Variants in SPOCK3 observed in about 807,000 individuals in gnomAD.
SPOCK3 encodes the protein testican-3.
Under a neutral mutation model 56.6 loss-of-function variants are expected in SPOCK3, and 30 were observed. That is an observed-to-expected ratio of 0.53 (90% CI 0.40 to 0.72). The LOEUF (loss-of-function observed/expected upper bound fraction) is 0.72, where lower values mean the gene tolerates loss of function less well. Among genes scored for constraint, SPOCK3 ranks in the 30% least tolerant of loss-of-function variants. The pLI is 0.00. For synonymous variants in SPOCK3, 196 were observed against 183.3 expected (o/e 1.07, Z -0.56); for missense variants, 527 against 530.0 (o/e 0.99, Z 0.06).
chr4:166,840,185 T>C (rs936259131), intron 6 of SPOCK3, among the ~76,000 whole-genome samples: 1 of 152,198 alleles, frequency 6.6e-6, no homozygotes, highest in African/African-American at 2.4e-5. Context: ...ATGATTTGTA[T>C]TGACACTTGA....
intron 2 of SPOCK3, among the ~76,000 whole-genome samples, chr4:167,122,900 ATAG>A (rs1761979641): frequency 6.6e-6 from 1 of 152,182 alleles, no homozygotes; most frequent in Non-Finnish European, 1.5e-5. Flanking sequence ...ATTCAAAATA[ATAG>A]TAGTACCAGC....
intron 2 of SPOCK3, among the ~76,000 whole-genome samples, chr4:167,120,374 A>G (rs903689936): frequency 6.6e-5 from 10 of 152,072 alleles, no homozygotes; most frequent in African/African-American, 2.4e-4. Flanking sequence ...GTAAGGTTGT[A>G]GAAATTTTAG....
At chr4:166,922,222 G>T (rs972064447) in intron 4 of SPOCK3, among the ~76,000 whole-genome samples, 2 of 152,118 alleles carry the variant, frequency 1.3e-5, no homozygotes, top group African/African-American at 4.8e-5. Context: ...GGGGACCGCT[G>T]CCCTACAAGA....
At chr4:167,139,362 T>A (rs1469084403) in intron 2 of SPOCK3, among the ~76,000 whole-genome samples, 1 of 151,880 alleles carries the variant, frequency 6.6e-6, no homozygotes, top group African/African-American at 2.4e-5. Context: ...ACAAAAAAAA[T>A]GTTAAATGTG....
At chr4:167,029,730 A>G (rs1580056076) in intron 3 of SPOCK3, among the ~76,000 whole-genome samples, 1 of 152,130 alleles carries the variant, frequency 6.6e-6, no homozygotes, top group East Asian at 1.9e-4. Flanking sequence ...CTGTTCTTCA[A>G]TAAGGATGTA....
intron 2 of SPOCK3, among the ~76,000 whole-genome samples, chr4:167,067,774 T>C (rs1478941898): frequency 6.6e-6 from 1 of 151,848 alleles, no homozygotes; most frequent in Non-Finnish European, 1.5e-5. Context: ...CTTAAAGTAA[T>C]AGCATCAATG....
chr4:167,130,026 T>A (rs529851227), intron 2 of SPOCK3, among the ~76,000 whole-genome samples: 51 of 152,118 alleles, frequency 3.4e-4, no homozygotes, highest in South Asian at 6.2e-4. Flanking sequence ...ATTAAAAAAA[T>A]TTTTTTTGAG....
chr4:167,031,247 T>C (rs1752246775), intron 3 of SPOCK3, among the ~76,000 whole-genome samples: 1 of 151,976 alleles, frequency 6.6e-6, no homozygotes. Flanking sequence ...ACAAGGTAAA[T>C]AGAATAACTA....
At chr4:167,230,552 A>G (rs72701431) in intron 2 of SPOCK3, among the ~76,000 whole-genome samples, 4,544 of 150,590 alleles carry the variant, frequency 0.03, 82 homozygotes, top group Admixed American at 0.068. Flanking sequence ...TACTGAATAT[A>G]TACCACTGTT....
intron 9 of SPOCK3, among the ~76,000 whole-genome samples, chr4:166,739,555 A>G (rs111465069): frequency 7.2e-5 from 11 of 152,194 alleles, no homozygotes; most frequent in African/African-American, 2.2e-4. Flanking sequence ...ACTTCTTTTT[A>G]TATCTATAAA....
At chr4:167,091,571 G>A (rs965502189) in intron 2 of SPOCK3, among the ~76,000 whole-genome samples, 2 of 152,084 alleles carry the variant, frequency 1.3e-5, no homozygotes, top group African/African-American at 2.4e-5. Context: ...GAAAATTGCT[G>A]CTCCCTCATT....
At chr4:167,060,648 A>G (rs1229316601) in intron 3 of SPOCK3, among the ~76,000 whole-genome samples, 3 of 152,132 alleles carry the variant, frequency 2.0e-5, no homozygotes, top group Admixed American at 2.0e-4. Flanking sequence ...AACATATAGA[A>G]ATAAAGCTTT....
chr4:167,151,447 T>C (rs1052869752), intron 2 of SPOCK3, among the ~76,000 whole-genome samples: 2 of 149,830 alleles, frequency 1.3e-5, no homozygotes, highest in African/African-American at 4.9e-5. Flanking sequence ...TTTTTTTTTT[T>C]TTTTTGAGAC....
intron 6 of SPOCK3, among the ~76,000 whole-genome samples, chr4:166,849,951 T>C (rs1748505279): frequency 6.6e-6 from 1 of 152,200 alleles, no homozygotes; most frequent in Non-Finnish European, 1.5e-5. Flanking sequence ...TTCATTTATG[T>C]ATATATCACA....
At chr4:167,169,778 G>A (rs1730333070) in intron 2 of SPOCK3, among the ~76,000 whole-genome samples, 1 of 152,068 alleles carries the variant, frequency 6.6e-6, no homozygotes, top group Non-Finnish European at 1.5e-5. Flanking sequence ...ATCTAACCTT[G>A]AATTGTAATA....
At chr4:166,881,923 C>G (rs1376162733) in intron 6 of SPOCK3, among the ~76,000 whole-genome samples, 1 of 152,076 alleles carries the variant, frequency 6.6e-6, no homozygotes, top group African/African-American at 2.4e-5. Flanking sequence ...GCAAACATCT[C>G]CTTATTATCG....
intron 6 of SPOCK3, among the ~76,000 whole-genome samples, chr4:166,845,677 C>A (rs139830930): frequency 6.6e-6 from 1 of 152,250 alleles, no homozygotes; most frequent in East Asian, 1.9e-4. Context: ...AGCAATAGTT[C>A]AACAACTTCA....
chr4:166,922,131 C>T (rs1738563105), intron 4 of SPOCK3, among the ~76,000 whole-genome samples: 1 of 152,142 alleles, frequency 6.6e-6, no homozygotes, highest in South Asian at 2.1e-4. Context: ...AATCTAGCAT[C>T]TGATCATCTG....
intron 2 of SPOCK3, among the ~76,000 whole-genome samples, chr4:167,099,009 C>A (rs1252280005): frequency 6.6e-6 from 1 of 151,986 alleles, no homozygotes; most frequent in Non-Finnish European, 1.5e-5. Context: ...AGGAAGGGAT[C>A]AGCATCTAAT....
Sources: gnomAD v4.1 joint callset for allele counts (sites outside exome capture counted in the v4.1 genomes callset) on GRCh38, gnomAD v4.1.1 for gene constraint, MANE v1.5 for transcripts, NCBI Gene and HGNC (gene_info 2026-07-23, HGNC 2026-07-21) for gene names.